The following TMED5 variants were observed in gnomAD, a reference collection of about 807,000 sequenced individuals.
TMED5 encodes transmembrane p24 trafficking protein 5, also known as transmembrane emp24 domain-containing protein 5.
In TMED5, 27 loss-of-function variants were observed where a neutral mutation model predicts 23.0. The ratio of observed to expected loss-of-function variants is 1.17; its 90% CI spans 0.86 to 1.62. The LOEUF (loss-of-function observed/expected upper bound fraction) is 1.62, where lower values mean the gene tolerates loss of function less well. TMED5 is among the 40% of genes most tolerant of loss of function. The probability of loss-of-function intolerance (pLI) is 0.00; values close to 1 mark genes in which losing one functional copy is unlikely to be tolerated. For synonymous variants in TMED5, 97 were observed against 100.8 expected (o/e 0.96, Z 0.23); for missense variants, 248 against 273.7 (o/e 0.91, Z 0.66).
chr1:93,172,800 C>T (rs1007102491), intron 1 of TMED5, among the ~76,000 whole-genome samples: 1 of 152,078 alleles, frequency 6.6e-6, no homozygotes, highest in Non-Finnish European at 1.5e-5. Context: ...GATATCTGCA[C>T]TCCCATATTC....
intron 1 of TMED5, 125 bp downstream of exon 1, chr1:93,179,929 C>A: frequency 9.2e-7 from 1 of 1,086,020 alleles, no homozygotes; most frequent in Non-Finnish European, 1.3e-6. Flanking sequence ...AGCGGGCTGG[C>A]TTCCTGAACG....
chr1:93,176,289 C>T (rs145790137), intron 1 of TMED5, among the ~76,000 whole-genome samples: 3 of 152,142 alleles, frequency 2.0e-5, no homozygotes, highest in Non-Finnish European at 2.9e-5. Flanking sequence ...CCCATTGTCT[C>T]GTACCACTCA....
chr1:93,175,243 C>T (rs1648870540), intron 1 of TMED5, among the ~76,000 whole-genome samples: 1 of 136,766 alleles, frequency 7.3e-6, no homozygotes, highest in East Asian at 2.0e-4. Flanking sequence ...TCCTTAGTAT[C>T]TTGGCACATG....
chr1:93,157,357 T>TGCC (rs969996996), intron 2 of TMED5, among the ~76,000 whole-genome samples: 2 of 152,230 alleles, frequency 1.3e-5, no homozygotes, highest in Non-Finnish European at 2.9e-5. Context: ...TCATTAATTA[T>TGCC]GCCAAGTGCT....
At chr1:93,161,912 A>C (rs1648293521) in intron 1 of TMED5, 1 of 152,176 alleles carries the variant, frequency 6.6e-6, no homozygotes, top group South Asian at 2.1e-4. Flanking sequence ...ACAGATGCAA[A>C]TATTTAATAA....
chr1:93,168,726 T>C (rs1648592458), intron 1 of TMED5, among the ~76,000 whole-genome samples: 1 of 152,122 alleles, frequency 6.6e-6, no homozygotes, highest in Non-Finnish European at 1.5e-5. Context: ...TCCCAGCTAC[T>C]TGGGAGGCTG....
chr1:93,153,951 T>G lies in TMED5; in HGVS notation c.*719A>C, dbSNP rs1400768825. The G allele has an allele frequency of 6.6e-6, 1 of 152,606 alleles. No individual in the cohort carries two copies. Among genetic ancestry groups the G allele is most frequent in the Non-Finnish European group, 1.5e-5 (1 of 67,996 alleles). 9.5% of individuals were successfully genotyped at this position (152,606 alleles called of 1,614,324 possible). Reference sequence around the variant, plus strand: ...CCTATGGAGGAGGAAGCTTTTAAACTATATTCTTCATTTCAAAGAGAAAAC... The same window carrying G: ...CCTATGGAGGAGGAAGCTTTTAAACGATATTCTTCATTTCAAAGAGAAAAC... On this transcript the variant is annotated 3_prime_UTR_variant, in exon 4 of 4. Coordinates refer to ENST00000370282, the MANE Select transcript of TMED5 (RefSeq NM_016040.5).
intron 2 of TMED5, among the ~76,000 whole-genome samples, chr1:93,159,245 C>T (rs747794429): frequency 3.3e-5 from 5 of 152,164 alleles, no homozygotes; most frequent in Non-Finnish European, 7.4e-5. Context: ...CCTGTCTCCA[C>T]CCTGCATGTG....
chr1:93,171,555 T>C (rs1000173993), intron 1 of TMED5, among the ~76,000 whole-genome samples: 4 of 152,226 alleles, frequency 2.6e-5, no homozygotes, highest in Non-Finnish European at 4.4e-5. Flanking sequence ...ACAGAAATTA[T>C]ACTGATAATT....
chr1:93,153,967 A>G lies in TMED5; in HGVS notation c.*703T>C, dbSNP rs1196897208. The G allele has an allele frequency of 2.6e-5, 4 of 152,598 alleles. No homozygotes were observed. Among genetic ancestry groups the G allele is most frequent in the South Asian group, 2.1e-4 (1 of 4,832 alleles). 9.5% of individuals were successfully genotyped at this position (152,598 alleles called of 1,614,324 possible). A position where few individuals can be genotyped will look rare whatever the true frequency, so the allele number is the denominator to read the frequency against. On this transcript the variant is annotated 3_prime_UTR_variant, in exon 4 of 4. Coordinates refer to ENST00000370282, the MANE Select transcript of TMED5 (RefSeq NM_016040.5). The stretch of plus-strand genomic sequence containing the variant: ...CTTTTAAACTATATTCTTCATTTCA[A>G]AGAGAAAACATGTCCTAATTTTAGT...
At chr1:93,156,017 A>G in intron 3 of TMED5, 1 of 1,367,892 alleles carries the variant, frequency 7.3e-7, no homozygotes, top group South Asian at 1.6e-5. Flanking sequence ...CTAACTGCAC[A>G]TTTATAAAAC....
intron 1 of TMED5, among the ~76,000 whole-genome samples, chr1:93,173,619 ATC>A (rs201977235): frequency 0.015 from 2,302 of 152,360 alleles, 27 homozygotes; most frequent in Non-Finnish European, 0.023. Flanking sequence ...TAGGAAAAAT[ATC>A]TGTCAGTGAA....
intron 1 of TMED5, among the ~76,000 whole-genome samples, chr1:93,170,877 T>C (rs1648703752): frequency 1.3e-5 from 2 of 152,246 alleles, no homozygotes; most frequent in East Asian, 1.9e-4. Context: ...CAGCACCCTG[T>C]CAAAACAGAC....
intron 2 of TMED5, 44 bp downstream of exon 2, chr1:93,160,084 CT>C (rs1648215014): frequency 8.5e-7 from 1 of 1,179,704 alleles, no homozygotes; most frequent in African/African-American, 1.5e-5. Flanking sequence ...AGATAACCCA[CT>C]GGTATTATTC....
chr1:93,153,768 G>A lies in TMED5; in HGVS notation c.*902C>T, dbSNP rs1176040461. 2 of 152,054 alleles carry A rather than the reference G, an allele frequency of 1.3e-5. No homozygotes were observed. Among genetic ancestry groups the A allele is most frequent in the Non-Finnish European group, 2.9e-5 (2 of 67,956 alleles). The allele number at this position is 152,054 out of a possible 1,614,324, so 9.4% of individuals were successfully genotyped here. A position where few individuals can be genotyped will look rare whatever the true frequency, so the allele number is the denominator to read the frequency against. ...TTCCTTCATAACTGCTGGTAATAAT[G>A]AATTATCCAAGTCAGCAATCATGTT... On this transcript the variant is annotated 3_prime_UTR_variant, in exon 4 of 4. Transcript: ENST00000370282.
At chr1:93,175,526 C>G (rs1648884386) in intron 1 of TMED5, among the ~76,000 whole-genome samples, 1 of 150,996 alleles carries the variant, frequency 6.6e-6, no homozygotes, top group Non-Finnish European at 1.5e-5. Flanking sequence ...TCCCAAAGAT[C>G]AATAAAGTAG....
chr1:93,156,103 GA>G, intron 3 of TMED5, 196 bp downstream of exon 3: 1 of 1,380,782 alleles, frequency 7.2e-7, no homozygotes. Context: ...TAAGTTATTT[GA>G]AAACTATAAA....
At position 93,153,057 on chromosome 1, in the gene TMED5, CTCA is replaced by C. The variant is rs1230155116; in HGVS notation, c.*1610_*1612del. 1 of 152,524 alleles carries C rather than the reference CTCA, an allele frequency of 6.6e-6. No individual in the cohort carries two copies. Among genetic ancestry groups the C allele is most frequent in the Non-Finnish European group, 1.5e-5 (1 of 68,020 alleles). The allele number at this position is 152,524 out of a possible 1,614,324, so 9.4% of individuals were successfully genotyped here. On this transcript the variant is annotated 3_prime_UTR_variant, in exon 4 of 4. Transcript: ENST00000370282. ...AATCACTCTCTGGTTATCATTATTG[CTCA>C]TCAAGAATTCCAGCATTACTAACCT...
chr1:93,166,181 T>C (rs971945517), intron 1 of TMED5, among the ~76,000 whole-genome samples: 1 of 152,252 alleles, frequency 6.6e-6, no homozygotes, highest in African/African-American at 2.4e-5. Context: ...ACACTTTAGG[T>C]TGCTTCCAAA....
Sources: gnomAD v4.1 joint callset for allele counts (sites outside exome capture counted in the v4.1 genomes callset) on GRCh38, gnomAD v4.1.1 for gene constraint, MANE v1.5 for transcripts, NCBI Gene and HGNC (gene_info 2026-07-23, HGNC 2026-07-21) for gene names.